CNOT6: variants seen among roughly 807,000 people sequenced by gnomAD.
The protein encoded by CNOT6 is CCR4-NOT transcription complex subunit 6.
CNOT6 carries 12 observed loss-of-function variants against 61.2 expected under a neutral mutation model. The observed-to-expected ratio is 0.20, with a 90% CI of 0.13 to 0.32. The LOEUF (loss-of-function observed/expected upper bound fraction) is 0.32, where lower values mean the gene tolerates loss of function less well. CNOT6 is among the 10% of genes least tolerant of loss of function. The probability of loss-of-function intolerance (pLI) is 1.00; values close to 1 mark genes in which losing one functional copy is unlikely to be tolerated. For synonymous variants in CNOT6, 225 were observed against 240.6 expected, an observed-to-expected ratio of 0.94 and a Z score of 0.60; for missense variants, 405 against 663.9, an observed-to-expected ratio of 0.61 and a Z score of 4.28.
In CNOT6 at chr5:180,576,859, A is replaced by G. The variant is rs1184876287; in HGVS notation, c.*2659A>G. The G allele has an allele frequency of 6.6e-6, 1 of 152,186 alleles. No homozygotes were observed. Among genetic ancestry groups the G allele is most frequent in the East Asian group, 1.9e-4 (1 of 5,196 alleles). 9.4% of individuals were successfully genotyped at this position (152,186 alleles called of 1,614,324 possible). A position where few individuals can be genotyped will look rare whatever the true frequency, so the allele number is the denominator to read the frequency against. ...TTTTCAAAAATTCTGTAACAAATAT[A>G]TTTAATGTGTTGCCATAATGTCATT... is the stretch of plus-strand genomic sequence containing the variant. On this transcript the variant is annotated 3_prime_UTR_variant, in exon 12 of 12. Coordinates refer to ENST00000261951, the MANE Select transcript of CNOT6 (RefSeq NM_001370472.1).
intron 6 of CNOT6, among the ~76,000 whole-genome samples, chr5:180,564,971 C>A (rs1015156375): frequency 1.1e-4 from 16 of 152,186 alleles, no homozygotes; most frequent in Admixed American, 3.9e-4. Context: ...GGCAGTTTAT[C>A]CCCCAGAGGA....
rs1051172162 is a variant in CNOT6, at chr5:180,494,413, C to T, written c.-353C>T. On this transcript the variant is annotated 5_prime_UTR_variant, in exon 1 of 12. Transcript: ENST00000261951. ...CGGCCGCCGCCATGATGCTTGTTTG[C>T]TTTCAATGAAAACGAGGGGGGCGCG... The T allele has an allele frequency of 6.5e-6, 1 of 153,336 alleles. No homozygotes were observed. The highest frequency in any genetic ancestry group is 2.4e-5 in the African/African-American group (1 of 41,410). The allele number at this position is 153,336 out of a possible 1,614,324, so 9.5% of individuals were successfully genotyped here.
Position 180,577,164 on chromosome 5 carries a change from T to TGTGTGTGTGC in CNOT6, c.*2973_*2974insCGTGTGTGTG, listed in dbSNP as rs755746298. ...GATAGGCAGAGAACATCTCCAGAAATGTGTGTGTGTGTGTGTGTGTGTGTG... is the reference window on the plus strand; with the variant it reads ...GATAGGCAGAGAACATCTCCAGAAATGTGTGTGTGCGTGTGTGTGTGTGTGTGTGTGTGTG... On this transcript the variant is annotated 3_prime_UTR_variant, in exon 12 of 12. Transcript: ENST00000261951. 9 of 2,946 alleles carry TGTGTGTGTGC rather than the reference T, an allele frequency of 3.1e-3. No homozygotes were observed. The highest frequency in any genetic ancestry group is 3.6e-3 in the African/African-American group (8 of 2,216). The allele number at this position is 2,946 out of a possible 1,614,324, so 0.2% of individuals were successfully genotyped here.
Position 180,560,964 on chromosome 5 carries a change from A to AG in CNOT6, c.386-3525_386-3524insG, listed in dbSNP as rs1561661525. ...GGTCTGTGTTCTTATCTATCTATCA[A>AG]TCAATCAGTCAATCAAGAGACGAGG... On this transcript the variant is annotated intron_variant, in intron 4 of 11. Transcript: ENST00000261951. Among the ~76,000 whole-genome samples, 32 of 151,918 alleles carry AG rather than the reference A, an allele frequency of 2.1e-4. No homozygotes were observed. In the East Asian group the frequency reaches 6.0e-3, roughly 29 times the overall value.
intron 1 of CNOT6, among the ~76,000 whole-genome samples, chr5:180,507,990 A>G (rs1757205681): frequency 6.6e-6 from 1 of 152,166 alleles, no homozygotes; most frequent in South Asian, 2.1e-4. Flanking sequence ...CCCCACCTCC[A>G]GCACTGGGGA....
intron 2 of CNOT6, among the ~76,000 whole-genome samples, chr5:180,546,113 C>T (rs1026381178): frequency 2.6e-5 from 4 of 151,968 alleles, no homozygotes; most frequent in African/African-American, 9.7e-5. Context: ...CCAGGATGGT[C>T]TCGATGTCCT....
At chr5:180,560,944 G>A (rs1376851737) in intron 4 of CNOT6, among the ~76,000 whole-genome samples, 1 of 105,294 alleles carries the variant, frequency 9.5e-6, no homozygotes, top group African/African-American at 3.6e-5. Context: ...GTGTTGGTCT[G>A]TGTTCTTATC....
At position 180,533,312 on chromosome 5, in the gene CNOT6, CTATATATA is replaced by C. The variant is rs56266069; in HGVS notation, c.112+3948_112+3955del. Among the ~76,000 whole-genome samples, 522 of 127,636 alleles carry C rather than the reference CTATATATA, an allele frequency of 4.1e-3. 11 individuals are homozygous for C. The highest frequency in any genetic ancestry group is 0.015 in the African/African-American group (467 of 32,114). 83.7% of individuals were successfully genotyped at this position (127,636 alleles called of 152,430 possible). The stretch of plus-strand genomic sequence containing the variant: ...GGAACCAGGAACCATGGATGAAAAC[CTATATATA>C]TATATATATATATATATATATATCA... On this transcript the variant is annotated intron_variant, in intron 2 of 11. Coordinates refer to ENST00000261951, the MANE Select transcript of CNOT6 (RefSeq NM_001370472.1).
intron 2 of CNOT6, among the ~76,000 whole-genome samples, chr5:180,545,078 T>C (rs1279015415): frequency 6.6e-6 from 1 of 152,230 alleles, no homozygotes; most frequent in Non-Finnish European, 1.5e-5. Flanking sequence ...TACAAATAGC[T>C]TGTGGTATGG....
At position 180,559,567 on chromosome 5, in the gene CNOT6, G is replaced by T. The variant is rs116153490; in HGVS notation, c.386-4922G>T. ...ATCCATTCTACCAGTCTTTTAATTG[G>T]TATATTTAGACCATTTACATTTAAA... On this transcript the variant is annotated intron_variant, in intron 4 of 11. Coordinates refer to ENST00000261951, the MANE Select transcript of CNOT6 (RefSeq NM_001370472.1). Among the ~76,000 whole-genome samples the T allele has an allele frequency of 8.4e-3, 1,274 of 152,160 alleles. 13 individuals are homozygous for T. Among genetic ancestry groups the T allele is most frequent in the African/African-American group, 0.029 (1,197 of 41,500 alleles).
intron 1 of CNOT6, among the ~76,000 whole-genome samples, chr5:180,515,991 A>G (rs545170469): frequency 2.0e-5 from 3 of 152,112 alleles, no homozygotes; most frequent in Admixed American, 6.5e-5. Flanking sequence ...TCTCACTGCA[A>G]CTTCCACTTC....
intron 4 of CNOT6, among the ~76,000 whole-genome samples, chr5:180,560,116 T>A (rs1760091343): frequency 6.6e-6 from 1 of 151,916 alleles, no homozygotes; most frequent in Non-Finnish European, 1.5e-5. Context: ...CCCGGCTAAT[T>A]TTTGAATTTT....
chr5:180,519,921 C>T (rs1003236214), intron 1 of CNOT6, among the ~76,000 whole-genome samples: 3 of 151,676 alleles, frequency 2.0e-5, no homozygotes, highest in African/African-American at 7.3e-5. Context: ...ACAACCTCTG[C>T]CTCCTGGATT....
intron 1 of CNOT6, among the ~76,000 whole-genome samples, chr5:180,509,658 A>G (rs994678611): frequency 3.4e-5 from 5 of 146,268 alleles, no homozygotes; most frequent in Non-Finnish European, 7.5e-5. Context: ...CAGGTGATCC[A>G]CTTGCCTCGG....
chr5:180,495,388 A>T (rs1250760539), intron 1 of CNOT6: 2 of 152,212 alleles, frequency 1.3e-5, no homozygotes, highest in Admixed American at 6.5e-5. Flanking sequence ...TTCTCTGGTA[A>T]CCCAAATTGC....
At chr5:180,556,838 C>T (rs949438396) in intron 4 of CNOT6, among the ~76,000 whole-genome samples, 6 of 152,178 alleles carry the variant, frequency 3.9e-5, no homozygotes, top group African/African-American at 1.4e-4. Context: ...TGCCTGTAGT[C>T]CCAGCTACTC....
chr5:180,554,417 TA>T (rs33948602), intron 4 of CNOT6, among the ~76,000 whole-genome samples: 114,427 of 141,080 alleles, frequency 0.81, 47,097 homozygotes, highest in East Asian at 0.96. Context: ...GACTCTGTCT[TA>T]AAAAAAAAAA....
intron 4 of CNOT6, among the ~76,000 whole-genome samples, chr5:180,556,922 C>CT (rs1428795125): frequency 6.6e-6 from 1 of 151,524 alleles, no homozygotes; most frequent in South Asian, 2.1e-4. Context: ...TGCCACTGCA[C>CT]TCCAGCCTGG....
intron 4 of CNOT6, among the ~76,000 whole-genome samples, chr5:180,557,701 A>T (rs1759968371): frequency 6.6e-6 from 1 of 152,222 alleles, no homozygotes; most frequent in Non-Finnish European, 1.5e-5. Flanking sequence ...TTTTAATTTT[A>T]ATGAAGCCCA....
Sources: allele counts gnomAD v4.1 joint callset (sites outside exome capture counted in the v4.1 genomes callset), GRCh38; gene constraint gnomAD v4.1.1; transcripts MANE v1.5; gene names NCBI Gene and HGNC (gene_info 2026-07-23, HGNC 2026-07-21).